The following TBC1D19 variants were observed in gnomAD, a reference collection of about 807,000 sequenced individuals.
The protein encoded by TBC1D19 is TBC1 domain family, member 19.
TBC1D19 carries 60 observed loss-of-function variants against 89.0 expected under a neutral mutation model. The observed-to-expected ratio is 0.67, with a 90% CI of 0.55 to 0.84. The LOEUF (loss-of-function observed/expected upper bound fraction) is 0.84, where lower values mean the gene tolerates loss of function less well. Among genes scored for constraint, TBC1D19 ranks in the 40% least tolerant of loss-of-function variants. TBC1D19 has a pLI of 0.00. For missense variants in TBC1D19, 500 were observed against 610.8 expected (o/e 0.82, Z 1.91); for synonymous variants, 189 against 199.7 (o/e 0.95, Z 0.45).
the TBC1D19 span, among the ~76,000 whole-genome samples, chr4:26,762,099 G>A: frequency 6.6e-6 from 1 of 152,166 alleles, no homozygotes; most frequent in African/African-American, 2.4e-5. Context: ...TTGCACCACC[G>A]CACTTTGGCC....
chr4:26,676,953 CTCAAA>C (rs1560465554), intron 11 of TBC1D19, among the ~76,000 whole-genome samples: 1 of 152,076 alleles, frequency 6.6e-6, no homozygotes, highest in African/African-American at 2.4e-5. Flanking sequence ...TACCAGTTAC[CTCAAA>C]TCTATATGCC....
At chr4:26,698,733 G>T (rs1715037088) in intron 13 of TBC1D19, among the ~76,000 whole-genome samples, 1 of 152,024 alleles carries the variant, frequency 6.6e-6, no homozygotes, top group Admixed American at 6.6e-5. Flanking sequence ...TCTGATCTTT[G>T]ACCAACCTGA....
At chr4:26,746,491 A>G (rs957079412) in intron 18 of TBC1D19, among the ~76,000 whole-genome samples, 52 of 150,346 alleles carry the variant, frequency 3.5e-4, no homozygotes, top group African/African-American at 1.3e-3. Flanking sequence ...CCATCTAGTG[A>G]GATGTTTTTG....
chr4:26,765,256 G>A, the TBC1D19 span, among the ~76,000 whole-genome samples: 5 of 152,132 alleles, frequency 3.3e-5, no homozygotes, highest in Admixed American at 3.3e-4. Context: ...AATTGGCATT[G>A]AGGAGTAAGG....
chr4:26,643,881 T>A (rs1453409593), intron 7 of TBC1D19, among the ~76,000 whole-genome samples: 3 of 151,050 alleles, frequency 2.0e-5, no homozygotes, highest in Non-Finnish European at 4.4e-5. Flanking sequence ...AACCAGGAAG[T>A]TGAATCACTG....
chr4:26,582,423 T>G (rs1739107189), upstream of TBC1D19, among the ~76,000 whole-genome samples: 1 of 152,196 alleles, frequency 6.6e-6, no homozygotes, highest in South Asian at 2.1e-4. Flanking sequence ...AGCTTCATCC[T>G]TCCCTTCAAC....
intron 7 of TBC1D19, among the ~76,000 whole-genome samples, chr4:26,651,155 C>T (rs1469138054): frequency 6.6e-6 from 1 of 152,112 alleles, no homozygotes; most frequent in Non-Finnish European, 1.5e-5. Context: ...AGCGTGATGC[C>T]TTCGGCTTTG....
intron 7 of TBC1D19, among the ~76,000 whole-genome samples, chr4:26,641,808 C>A (rs1027506227): frequency 2.0e-5 from 3 of 151,994 alleles, no homozygotes; most frequent in Admixed American, 6.6e-5. Flanking sequence ...CCGATTCGAT[C>A]AACTGGAAGA....
chr4:26,758,831 G>A (rs959067353), downstream of TBC1D19, among the ~76,000 whole-genome samples: 1 of 152,062 alleles, frequency 6.6e-6, no homozygotes, highest in African/African-American at 2.4e-5. Context: ...ATAATAAGGG[G>A]TATCATTATT....
In TBC1D19 at chr4:26,718,001, A is replaced by G; in HGVS notation, c.1023A>G (p.Pro341=). Residue 341 remains proline (P), a synonymous_variant, in exon 14 of 21, where the codon CCA becomes CCG. Transcript: ENST00000264866. ...TTGCATTCAACAGTGCCTCGCCACC[A>G]AAATCATACATAAGAGGTAAATTTT... ...SHFAFNSASP[P]KSYIRGKLGL... 3.1e-6 allele frequency: 5 copies of G among 1,610,656 alleles called. No individual in the cohort carries two copies. Among genetic ancestry groups the G allele is most frequent in the Non-Finnish European group, 4.2e-6 (5 of 1,177,976 alleles).
chr4:26,813,427 A>C, the TBC1D19 span, among the ~76,000 whole-genome samples: 1 of 152,212 alleles, frequency 6.6e-6, no homozygotes, highest in Admixed American at 6.5e-5. Flanking sequence ...GCAATCACTG[A>C]CCTAAATTAA....
At chr4:26,768,413 A>C in the TBC1D19 span, among the ~76,000 whole-genome samples, 1 of 152,236 alleles carries the variant, frequency 6.6e-6, no homozygotes, top group Non-Finnish European at 1.5e-5. Context: ...CCAGCATTCA[A>C]ACAAAGTAAA....
chr4:26,603,582 C>A (rs1163482320), intron 1 of TBC1D19, among the ~76,000 whole-genome samples: 2 of 151,948 alleles, frequency 1.3e-5, no homozygotes, highest in Non-Finnish European at 2.9e-5. Flanking sequence ...TTTTCATGGA[C>A]AACAACCAAA....
At chr4:26,765,285 C>A in the TBC1D19 span, among the ~76,000 whole-genome samples, 2 of 151,958 alleles carry the variant, frequency 1.3e-5, no homozygotes, top group East Asian at 3.9e-4. Flanking sequence ...GAAGCACTTT[C>A]GGGGAGGAGA....
chr4:26,809,853 C>T, the TBC1D19 span, among the ~76,000 whole-genome samples: 13 of 152,320 alleles, frequency 8.5e-5, no homozygotes, highest in East Asian at 1.9e-4. Context: ...CACCTCTTTA[C>T]GGTCCTGACT....
intron 13 of TBC1D19, among the ~76,000 whole-genome samples, chr4:26,700,149 C>A (rs1374803621): frequency 1.3e-5 from 2 of 151,856 alleles, no homozygotes; most frequent in Admixed American, 6.6e-5. Context: ...TATAATAGGA[C>A]TATCAGATGG....
At chr4:26,762,055 G>C in the TBC1D19 span, among the ~76,000 whole-genome samples, 1 of 152,182 alleles carries the variant, frequency 6.6e-6, no homozygotes, top group African/African-American at 2.4e-5. Flanking sequence ...AGAATCACTT[G>C]AACCTGGGAG....
intron 1 of TBC1D19, among the ~76,000 whole-genome samples, chr4:26,590,815 T>G (rs1184539569): frequency 3.8e-5 from 5 of 131,680 alleles, no homozygotes; most frequent in African/African-American, 5.6e-5. Context: ...TTTTTTTTTT[T>G]TTTTTTTTTT....
chr4:26,856,698 T>G, the TBC1D19 span, among the ~76,000 whole-genome samples: 1 of 152,250 alleles, frequency 6.6e-6, no homozygotes, highest in East Asian at 1.9e-4. Flanking sequence ...TGATCTTTAC[T>G]TTAGCTCCAT....
Sources: gnomAD v4.1 joint callset for allele counts (sites outside exome capture counted in the v4.1 genomes callset) on GRCh38, gnomAD v4.1.1 for gene constraint, MANE v1.5 for transcripts, NCBI Gene and HGNC (gene_info 2026-07-23, HGNC 2026-07-21) for gene names.